Variants in CSMD3 observed in about 807,000 individuals in gnomAD.
CSMD3 encodes CUB and Sushi multiple domains 3.
Under a neutral mutation model 435.2 loss-of-function variants are expected in CSMD3, and 177 were observed. The ratio of observed to expected loss-of-function variants is 0.41; its 90% CI spans 0.36 to 0.46. CSMD3 has a LOEUF of 0.46. Among genes scored for constraint, CSMD3 ranks in the 20% least tolerant of loss-of-function variants. The probability of loss-of-function intolerance (pLI) is 0.34; values close to 1 mark genes in which losing one functional copy is unlikely to be tolerated. For synonymous variants in CSMD3, 1,656 were observed against 1,520.5 expected, an observed-to-expected ratio of 1.09 and a Z score of -2.07; for missense variants, 4,265 against 4,504.6, an observed-to-expected ratio of 0.95 and a Z score of 1.52.
chr8:112,583,447 GT>G (rs752943383), intron 23 of CSMD3, among the ~76,000 whole-genome samples: 2 of 151,856 alleles, frequency 1.3e-5, no homozygotes, highest in African/African-American at 2.4e-5. Context: ...ATGTTTCAAA[GT>G]TTTTTTTAAT....
intron 2 of CSMD3, among the ~76,000 whole-genome samples, chr8:113,292,056 T>A (rs767403473): frequency 7.2e-5 from 11 of 151,732 alleles, no homozygotes; most frequent in Non-Finnish European, 1.6e-4. Flanking sequence ...TGTTAATGTG[T>A]CCCAGGTATT....
At chr8:112,290,819 T>C (rs145059772) in intron 56 of CSMD3, among the ~76,000 whole-genome samples, 22 of 152,160 alleles carry the variant, frequency 1.4e-4, no homozygotes, top group Non-Finnish European at 2.5e-4. Context: ...TAGTTCAATT[T>C]GAGGCCTATC....
rs531081269 is a variant in CSMD3 at position 113,047,321 on chromosome 8, C to A, written c.918-28142G>T. Among the ~76,000 whole-genome samples, 6 of 152,324 alleles carry A rather than the reference C, an allele frequency of 3.9e-5. No homozygotes were observed. The South Asian group carries it at 8.3e-4, about 21-fold the overall frequency. ...TCTGTTTTGTTCACTGATGCAACCTCAAAATATAGAACGGTTCTGGCACAG... is the reference window on the plus strand; with the variant it reads ...TCTGTTTTGTTCACTGATGCAACCTAAAAATATAGAACGGTTCTGGCACAG... On this transcript the variant is annotated intron_variant, in intron 5 of 70. Transcript: ENST00000297405.
chr8:113,339,945 C>T (rs772575680), intron 1 of CSMD3, among the ~76,000 whole-genome samples: 10 of 152,000 alleles, frequency 6.6e-5, no homozygotes, highest in Middle Eastern at 7.0e-3. Flanking sequence ...TAAATTAGTG[C>T]CTGTACTTAT....
rs192943256 is a variant in CSMD3 at position 112,451,172 on chromosome 8, T to C, written c.5395+21419A>G. 3.1e-3 allele frequency among the ~76,000 whole-genome samples: 476 copies of C among 152,308 alleles called. 2 individuals carry two copies. Among genetic ancestry groups the C allele is most frequent in the African/African-American group, 0.011 (461 of 41,576 alleles). ...AATGATGGATATTTTATATTTGCTA[T>C]TTCATTACAATTAAATACAAAATAC... is the stretch of plus-strand genomic sequence containing the variant. On this transcript the variant is annotated intron_variant, in intron 32 of 70. Coordinates refer to ENST00000297405, the MANE Select transcript of CSMD3 (RefSeq NM_198123.2).
intron 14 of CSMD3, among the ~76,000 whole-genome samples, chr8:112,686,923 T>C (rs2076026075): frequency 6.6e-6 from 1 of 152,180 alleles, no homozygotes; most frequent in South Asian, 2.1e-4. Context: ...TCTCCTCCAT[T>C]AATTTATATG....
chr8:112,285,386 C>T (rs1331364982), intron 58 of CSMD3, among the ~76,000 whole-genome samples: 3 of 152,066 alleles, frequency 2.0e-5, no homozygotes, highest in Non-Finnish European at 2.9e-5. Flanking sequence ...AGTCTTTTCC[C>T]TATATCAACT....
chr8:113,099,444 T>A (rs1052722558), intron 4 of CSMD3, among the ~76,000 whole-genome samples: 1 of 152,058 alleles, frequency 6.6e-6, no homozygotes, highest in African/African-American at 2.4e-5. Context: ...CAATGGTATG[T>A]TTCAGAAGTT....
chr8:113,002,007 A>C (rs970357295), intron 6 of CSMD3, among the ~76,000 whole-genome samples: 1 of 152,184 alleles, frequency 6.6e-6, no homozygotes, highest in Non-Finnish European at 1.5e-5. Context: ...TGGTCTCTTA[A>C]GGAACTTCAT....
At position 112,747,980 on chromosome 8, in the gene CSMD3, A is replaced by AAAAAC. The variant is rs1447755627; in HGVS notation, c.1972+52181_1972+52182insGTTTT. Among the ~76,000 whole-genome samples, 934 of 150,788 alleles carry AAAAAC rather than the reference A, an allele frequency of 6.2e-3. 7 individuals are homozygous for AAAAAC. Among genetic ancestry groups the AAAAAC allele is most frequent in the African/African-American group, 0.022 (895 of 40,542 alleles). Reference sequence around the variant, plus strand: ...TCCGTCTCAAAAAAAAAAAAAAAAAAAAAAAACAGGCATCAGGCCATATTA... The same window carrying AAAAAC: ...TCCGTCTCAAAAAAAAAAAAAAAAAAAAAACAAAAAACAGGCATCAGGCCATATTA... On this transcript the variant is annotated intron_variant, in intron 13 of 70. Coordinates refer to ENST00000297405, the MANE Select transcript of CSMD3 (RefSeq NM_198123.2).
chr8:112,755,114 G>A (rs577383157), intron 13 of CSMD3, among the ~76,000 whole-genome samples: 16 of 152,038 alleles, frequency 1.1e-4, no homozygotes, highest in Admixed American at 9.2e-4. Context: ...GGCGGATCAC[G>A]AGGTCAGCAG....
At chr8:112,638,647 GC>G in intron 21 of CSMD3, 48 bp downstream of exon 21, 1 of 1,099,652 alleles carries the variant, frequency 9.1e-7, no homozygotes, top group Non-Finnish European at 1.4e-6. Context: ...TTGAAAAATT[GC>G]TTTTTTAAAA....
At chr8:112,817,912 T>A (rs1024745115) in intron 12 of CSMD3, among the ~76,000 whole-genome samples, 8 of 152,090 alleles carry the variant, frequency 5.3e-5, no homozygotes, top group African/African-American at 1.9e-4. Context: ...TCCTTGGAGC[T>A]AAAGCCTCAA....
intron 4 of CSMD3, among the ~76,000 whole-genome samples, chr8:113,123,332 C>G (rs1049091170): frequency 2.6e-5 from 4 of 152,020 alleles, no homozygotes; most frequent in East Asian, 3.9e-4. Flanking sequence ...ATGATTTCGT[C>G]CTTTTGAAAA....
At chr8:113,318,014 T>C (rs887833850) in intron 1 of CSMD3, among the ~76,000 whole-genome samples, 1 of 152,180 alleles carries the variant, frequency 6.6e-6, no homozygotes, top group Non-Finnish European at 1.5e-5. Flanking sequence ...TATAACGGTC[T>C]AATGAGCAAC....
intron 1 of CSMD3, among the ~76,000 whole-genome samples, chr8:113,349,360 C>T (rs1307768450): frequency 6.6e-6 from 1 of 152,096 alleles, no homozygotes; most frequent in Non-Finnish European, 1.5e-5. Flanking sequence ...GAATTGCTAG[C>T]TCATGAAATT....
chr8:112,271,102 A>G (rs1458993529), intron 59 of CSMD3, among the ~76,000 whole-genome samples: 4 of 152,272 alleles, frequency 2.6e-5, no homozygotes, highest in Admixed American at 2.6e-4. Context: ...TATGTACAAG[A>G]TTCAACGAGC....
intron 11 of CSMD3, 136 bp downstream of exon 11, chr8:112,859,009 A>G: frequency 1.4e-6 from 1 of 712,174 alleles, no homozygotes; most frequent in Non-Finnish European, 2.4e-6. Context: ...TGGTTTATAA[A>G]CTGTTAAGTA....
chr8:113,088,866 AAAAAT>A (rs1466879782), intron 5 of CSMD3, among the ~76,000 whole-genome samples: 1 of 152,042 alleles, frequency 6.6e-6, no homozygotes, highest in Admixed American at 6.6e-5. Flanking sequence ...ATAATAATAA[AAAAAT>A]AAAATAAATA....
Sources: allele counts gnomAD v4.1 joint callset (sites outside exome capture counted in the v4.1 genomes callset), GRCh38; gene constraint gnomAD v4.1.1; transcripts MANE v1.5; gene names NCBI Gene and HGNC (gene_info 2026-07-23, HGNC 2026-07-21).